Variants in MIGA1 observed in about 807,000 individuals in gnomAD.
The protein encoded by MIGA1 is mitoguardin 1, also known as family with sequence similarity 73, member A.
In MIGA1, 58 loss-of-function variants were observed where a neutral mutation model predicts 82.0. The ratio of observed to expected loss-of-function variants is 0.71; its 90% CI spans 0.57 to 0.88. MIGA1 has a LOEUF of 0.88. Ranked by LOEUF, MIGA1 falls within the 40% of genes least tolerant of loss-of-function variation. The probability of loss-of-function intolerance (pLI) is 0.00; values close to 1 mark genes in which losing one functional copy is unlikely to be tolerated. For synonymous variants in MIGA1, 249 were observed against 253.6 expected, an observed-to-expected ratio of 0.98 and a Z score of 0.17; for missense variants, 751 against 749.1, an observed-to-expected ratio of 1.00 and a Z score of -0.03.
chr1:77,803,484 A>G (rs1682969430), intron 4 of MIGA1, 78 bp downstream of exon 4: 1 of 570,914 alleles, frequency 1.8e-6, no homozygotes, highest in Admixed American at 4.2e-5. Flanking sequence ...AGTGTCATAT[A>G]CTTATAGTTC....
chr1:77,816,110 AT>A (rs1683564418), intron 7 of MIGA1, among the ~76,000 whole-genome samples: 4 of 151,788 alleles, frequency 2.6e-5, no homozygotes. Flanking sequence ...TACCCAGCTA[AT>A]TTTTGTATTT....
chr1:77,857,719 GGTT>G (rs1685314677), intron 8 of MIGA1, among the ~76,000 whole-genome samples: 4 of 144,938 alleles, frequency 2.8e-5, no homozygotes, highest in Admixed American at 1.4e-4. Context: ...AAGTTTTCTG[GGTT>G]GTTGTTTTTT....
intron 1 of MIGA1, among the ~76,000 whole-genome samples, chr1:77,782,274 T>A (rs1681954630): frequency 6.6e-6 from 1 of 152,222 alleles, no homozygotes; most frequent in South Asian, 2.1e-4. Flanking sequence ...CCCATTCTCT[T>A]GTGCATTAGA....
intron 2 of MIGA1, among the ~76,000 whole-genome samples, chr1:77,791,613 G>A (rs1682431979): frequency 6.7e-6 from 1 of 148,646 alleles, no homozygotes; most frequent in Non-Finnish European, 1.5e-5. Flanking sequence ...ACCCAGACTG[G>A]AGTGCAGTGG....
intron 3 of MIGA1, among the ~76,000 whole-genome samples, chr1:77,802,224 G>A (rs772498673): frequency 1.1e-4 from 17 of 152,100 alleles, no homozygotes; most frequent in Non-Finnish European, 1.9e-4. Context: ...TGACTATTTC[G>A]TACTGAGTGC....
At chr1:77,783,546 G>A (rs1326571623) in intron 2 of MIGA1, among the ~76,000 whole-genome samples, 195 bp downstream of exon 2, 1 of 152,082 alleles carries the variant, frequency 6.6e-6, no homozygotes, top group South Asian at 2.1e-4. Context: ...TTAAAAAAAG[G>A]TTATGTTACT....
intron 2 of MIGA1, among the ~76,000 whole-genome samples, chr1:77,796,464 A>G (rs1682661513): frequency 6.7e-6 from 1 of 149,824 alleles, no homozygotes; most frequent in African/African-American, 2.5e-5. Flanking sequence ...ACTTTGTCAC[A>G]CAGGCTGGAG....
intron 2 of MIGA1, among the ~76,000 whole-genome samples, chr1:77,787,786 A>G (rs1369338523): frequency 3.4e-5 from 5 of 146,314 alleles, no homozygotes; most frequent in African/African-American, 1.3e-4. Flanking sequence ...ATTTCCATAT[A>G]TTTCTCCAAT....
chr1:77,849,166 G>A (rs1429602631), intron 8 of MIGA1, among the ~76,000 whole-genome samples: 4 of 152,120 alleles, frequency 2.6e-5, no homozygotes, highest in South Asian at 2.1e-4. Flanking sequence ...TTGGGAGGCC[G>A]AGGCAGAAGG....
chr1:77,801,869 G>A (rs1434028465), intron 3 of MIGA1, among the ~76,000 whole-genome samples: 1 of 152,112 alleles, frequency 6.6e-6, no homozygotes, highest in African/African-American at 2.4e-5. Context: ...ATTTGACAGT[G>A]TGGAAGAATG....
chr1:77,822,982 A>G (rs1368882135), intron 7 of MIGA1, among the ~76,000 whole-genome samples: 1 of 151,670 alleles, frequency 6.6e-6, no homozygotes, highest in Admixed American at 6.6e-5. Context: ...AGTTGGTATT[A>G]TAGGCGTGTG....
At chr1:77,817,221 G>A (rs1683604994) in intron 7 of MIGA1, among the ~76,000 whole-genome samples, 1 of 152,078 alleles carries the variant, frequency 6.6e-6, no homozygotes, top group South Asian at 2.1e-4. Flanking sequence ...CAGTCTCAGA[G>A]GTCTGCTTTA....
At chr1:77,804,485 G>A (rs1287230443) in intron 4 of MIGA1, among the ~76,000 whole-genome samples, 5 of 152,124 alleles carry the variant, frequency 3.3e-5, no homozygotes, top group Non-Finnish European at 7.4e-5. Context: ...GAAGACTGAG[G>A]CAAAATTGCT....
chr1:77,807,214 T>A, intron 5 of MIGA1, 113 bp downstream of exon 5: 1 of 805,122 alleles, frequency 1.2e-6, no homozygotes, highest in Non-Finnish European at 1.9e-6. Context: ...CAGGCTGGAG[T>A]ACGGTGGCGC....
intron 8 of MIGA1, among the ~76,000 whole-genome samples, chr1:77,849,291 A>G (rs1684959815): frequency 6.6e-6 from 1 of 152,094 alleles, no homozygotes; most frequent in African/African-American, 2.4e-5. Context: ...CAGCTGTTCG[A>G]GAGGCTGAGG....
intron 7 of MIGA1, among the ~76,000 whole-genome samples, chr1:77,837,224 A>G (rs1007146174): frequency 5.3e-5 from 8 of 152,216 alleles, no homozygotes; most frequent in Non-Finnish European, 1.0e-4. Flanking sequence ...AATTTTAATA[A>G]TATATTTTCT....
chr1:77,847,367 G>A, intron 8 of MIGA1: 1 of 1,039,434 alleles, frequency 9.6e-7, no homozygotes, highest in Non-Finnish European at 1.5e-6. Context: ...AAAAAAAGGA[G>A]GAAAACAATA....
At chr1:77,821,196 G>C (rs1033412179) in intron 7 of MIGA1, among the ~76,000 whole-genome samples, 3 of 151,656 alleles carry the variant, frequency 2.0e-5, no homozygotes, top group African/African-American at 4.8e-5. Context: ...GTTTACATTG[G>C]CTTTTGGTGA....
chr1:77,872,107 A>G (rs1162246304), intron 14 of MIGA1, among the ~76,000 whole-genome samples: 1 of 152,040 alleles, frequency 6.6e-6, no homozygotes, highest in Non-Finnish European at 1.5e-5. Flanking sequence ...AGCTAGGACT[A>G]TAGGTACACA....
Sources: allele counts gnomAD v4.1 joint callset (sites outside exome capture counted in the v4.1 genomes callset), GRCh38; gene constraint gnomAD v4.1.1; transcripts MANE v1.5; gene names NCBI Gene and HGNC (gene_info 2026-07-23, HGNC 2026-07-21).